Variants in TXNRD2 observed in about 807,000 individuals in gnomAD.
TXNRD2 encodes the protein thioredoxin reductase 2, mitochondrial.
TXNRD2 carries 67 observed loss-of-function variants against 70.8 expected under a neutral mutation model. The ratio of observed to expected loss-of-function variants is 0.95; its 90% confidence interval spans 0.78 to 1.16. The LOEUF (loss-of-function observed/expected upper bound fraction) is 1.16. TXNRD2 is among the 50% of genes most tolerant of loss of function. The pLI, the probability that TXNRD2 is intolerant of heterozygous loss-of-function variation, is 0.00. For synonymous variants in TXNRD2, 301 were observed against 295.8 expected (o/e 1.02, Z -0.18); for missense variants, 644 against 719.9 (o/e 0.89, Z 1.21).
intron 16 of TXNRD2, 27 bp from the exon 17 acceptor site, chr22:19,877,261 G>A: frequency 1.2e-6 from 2 of 1,603,608 alleles, no homozygotes; most frequent in Non-Finnish European, 8.5e-7. Context: ...GGGGAGGCAG[G>A]CGGGGTCAGC....
In TXNRD2 at chr22:19,881,018, C is replaced by G. The variant is rs1601385224; in HGVS notation, c.1087-301G>C. 7.3e-6 allele frequency: 4 copies of G among 545,880 alleles called. No individual in the cohort carries two copies. The African/African-American group carries it at 7.5e-5, about 10-fold the overall frequency. 33.8% of individuals were successfully genotyped at this position (545,880 alleles called of 1,614,324 possible). On this transcript the variant is annotated intron_variant, in intron 12 of 17. Coordinates refer to ENST00000400521, the MANE Select transcript of TXNRD2 (RefSeq NM_006440.5). ...ATGCTCAAGCCTTCTCTCCAAACCC[C>G]TTCTGCACATTGCTGACCTCGGAGG...
At chr22:19,883,669 C>T (rs1321682878) in intron 11 of TXNRD2, 6 of 648,420 alleles carry the variant, frequency 9.3e-6, no homozygotes, top group Non-Finnish European at 1.3e-5. Context: ...GAAACCCTGT[C>T]TCAGCCAGGC....
intron 10 of TXNRD2, 141 bp downstream of exon 10, chr22:19,897,898 C>A (rs1939583116): frequency 5.7e-6 from 4 of 707,624 alleles, no homozygotes; most frequent in African/African-American, 5.3e-5. Context: ...TCCTGGACAA[C>A]CTCCTCATCC....
At chr22:19,880,546 G>C in intron 13 of TXNRD2, 76 bp downstream of exon 13, 1 of 1,351,230 alleles carries the variant, frequency 7.4e-7, no homozygotes. Flanking sequence ...GCGCACAAAG[G>C]CCCCTCACCC....
At chr22:19,897,036 C>T (rs1428017403) in intron 10 of TXNRD2, among the ~76,000 whole-genome samples, 6 of 152,196 alleles carry the variant, frequency 3.9e-5, no homozygotes, top group Non-Finnish European at 2.9e-5. Context: ...TTTCCTCCTC[C>T]GTCCACTGCC....
At chr22:19,883,710 T>G in intron 11 of TXNRD2, 1 of 496,648 alleles carries the variant, frequency 2.0e-6, no homozygotes, top group Non-Finnish European at 3.7e-6. Flanking sequence ...TCCCAACACT[T>G]TGGGAGGCCG....
intron 7 of TXNRD2, among the ~76,000 whole-genome samples, chr22:19,913,682 C>T (rs756525975): frequency 1.3e-5 from 2 of 152,206 alleles, no homozygotes; most frequent in Admixed American, 6.5e-5. Flanking sequence ...CTAGGCCAGG[C>T]GCATGCACAG....
At chr22:19,899,937 A>C (rs1939696189) in intron 8 of TXNRD2, among the ~76,000 whole-genome samples, 1 of 152,242 alleles carries the variant, frequency 6.6e-6, no homozygotes, top group Non-Finnish European at 1.5e-5. Context: ...GTGGGCTCCC[A>C]CATTACCCTT....
intron 11 of TXNRD2, chr22:19,894,902 C>G: frequency 2.0e-6 from 2 of 1,002,090 alleles, no homozygotes; most frequent in Non-Finnish European, 2.7e-6. Context: ...GCAGGAGAAT[C>G]GCTTGAACCC....
chr22:19,877,218 C>A lies in TXNRD2; in HGVS notation c.1462G>T (p.Ala488Ser), dbSNP rs757179801. ...ALGIKCGASY[A>S]QVMRTVGIHP... ...ATACCCACGGTCCGCATCACCTGCGCATAGGAAGCCCCACACCTGCACATG... is the reference window on the plus strand; with the variant it reads ...ATACCCACGGTCCGCATCACCTGCGAATAGGAAGCCCCACACCTGCACATG... Residue 488 changes from alanine to serine, a missense_variant, in exon 17 of 18, where the codon GCG (alanine) becomes TCG (serine). By Grantham distance (99) the Ala-to-Ser change is moderately conservative. Transcript: ENST00000400521. The A allele has an allele frequency of 2.5e-6, 4 of 1,611,064 alleles. No individual in the cohort carries two copies. Among genetic ancestry groups the A allele is most frequent in the Admixed American group, 3.3e-5 (2 of 59,972 alleles).
At chr22:19,927,496 A>G (rs2146079764) in intron 2 of TXNRD2, among the ~76,000 whole-genome samples, 1 of 150,842 alleles carries the variant, frequency 6.6e-6, no homozygotes, top group African/African-American at 2.4e-5. Flanking sequence ...TCTCCACCAA[A>G]AAAATACAAA....
At chr22:19,901,799 C>T (rs991744499) in intron 8 of TXNRD2, among the ~76,000 whole-genome samples, 26 of 152,294 alleles carry the variant, frequency 1.7e-4, no homozygotes, top group African/African-American at 6.3e-4. Flanking sequence ...CCAACTCAAG[C>T]CATGACTGGC....
At chr22:19,909,092 G>A (rs5748465) in intron 8 of TXNRD2, among the ~76,000 whole-genome samples, 43,076 of 151,308 alleles carry the variant, frequency 0.28, 6,931 homozygotes, top group East Asian at 0.65. Flanking sequence ...TGTAGTCCCG[G>A]CTACTCAGAG....
In TXNRD2 at chr22:19,880,683, G is replaced by C. The variant is rs867534955; in HGVS notation, c.1121C>G (p.Ala374Gly). 2 of 1,613,316 alleles carry C rather than the reference G, an allele frequency of 1.2e-6. No individual in the cohort carries two copies. The highest frequency in any genetic ancestry group is 1.7e-5 in the Admixed American group (1 of 60,024). ...GAGCCGCTGCACCAGGAGCCTCCCG[G>C]CCATGATCGCTATGGGTGTCAGCTC... Reference protein sequence around the residue: ...RPELTPIAIMAGRLLVQRLFG... With the variant: ...RPELTPIAIMGGRLLVQRLFG... Residue 374 changes from alanine (A) to glycine (G), a missense_variant, in exon 13 of 18, where the codon GCC becomes GGC. Around this residue, in one of 3 missense-constraint regions of TXNRD2, gnomAD observed 566 missense variants for 645.0 expected, o/e 0.88. Transcript: ENST00000400521.
chr22:19,916,124 C>T (rs2146038297), intron 5 of TXNRD2: 2 of 418,590 alleles, frequency 4.8e-6, no homozygotes, highest in South Asian at 2.1e-5. Context: ...CACGTACAGC[C>T]CTGGTGTGCA....
rs16982755 is a variant in TXNRD2, at chr22:19,915,148, C to T, written c.591+66G>A. On this transcript the variant is annotated intron_variant, in intron 7 of 17. Coordinates refer to ENST00000400521, the MANE Select transcript of TXNRD2 (RefSeq NM_006440.5). ...GCTGTGGGAAGCACGTGTGTAAAAA[C>T]GTATCCCTCAAAGAGGCCGGGAATG... 77,183 of 1,493,406 alleles carry T rather than the reference C, an allele frequency of 0.052. 2,237 individuals carry two copies. The highest frequency in any genetic ancestry group is 0.085 in the South Asian group (7,315 of 85,730). 92.5% of individuals were successfully genotyped at this position (1,493,406 alleles called of 1,614,324 possible).
In TXNRD2 at chr22:19,880,094, C is replaced by A. The variant is rs563206561; in HGVS notation, c.1275+85G>T. The A allele has an allele frequency of 1.2e-5, 17 of 1,418,310 alleles. No homozygotes were observed. The South Asian group carries it at 1.7e-4, about 15-fold the overall frequency. The allele number at this position is 1,418,310 out of a possible 1,614,324, so 87.9% of individuals were successfully genotyped here. A position where few individuals can be genotyped will look rare whatever the true frequency, so the allele number is the denominator to read the frequency against. On this transcript the variant is annotated intron_variant, in intron 14 of 17. Coordinates refer to ENST00000400521, the MANE Select transcript of TXNRD2 (RefSeq NM_006440.5). ...CCCCTGGAAAGGAGAGACCTTGGCA[C>A]CCTGCTCACAAGGCCTCCGCCCAGA...
intron 8 of TXNRD2, chr22:19,902,839 T>C: frequency 2.3e-6 from 1 of 435,450 alleles, no homozygotes; most frequent in South Asian, 1.7e-5. Flanking sequence ...GCCACTTAAA[T>C]TAAATTTTCT....
intron 11 of TXNRD2, among the ~76,000 whole-genome samples, chr22:19,893,065 G>A (rs1455459643): frequency 2.0e-5 from 3 of 152,152 alleles, no homozygotes; most frequent in Admixed American, 6.5e-5. Flanking sequence ...AGCCTCAGCC[G>A]CTCCAGGCTG....
Sources: allele counts gnomAD v4.1 joint callset (sites outside exome capture counted in the v4.1 genomes callset), GRCh38; gene constraint gnomAD v4.1.1; regional missense constraint gnomAD v4.1.1; transcripts MANE v1.5; gene names NCBI Gene and HGNC (gene_info 2026-07-23, HGNC 2026-07-21).